The following FRRS1L variants were observed in gnomAD, a reference collection of about 807,000 sequenced individuals.
FRRS1L encodes the protein DOMON domain-containing protein FRRS1L.
A neutral mutation model predicts 28.6 loss-of-function variants in FRRS1L; 22 were observed. That is an observed-to-expected ratio of 0.77 (90% CI 0.55 to 1.10). The LOEUF (loss-of-function observed/expected upper bound fraction) is 1.10, where lower values mean the gene tolerates loss of function less well. Among genes scored for constraint, FRRS1L ranks in the 50% least tolerant of loss-of-function variants. The pLI, the probability that FRRS1L is intolerant of heterozygous loss-of-function variation, is 0.00. For synonymous variants in FRRS1L, 158 were observed against 151.4 expected (o/e 1.04, Z -0.32); for missense variants, 380 against 386.9 (o/e 0.98, Z 0.15).
intron 1 of FRRS1L, among the ~76,000 whole-genome samples, chr9:109,154,377 A>G (rs1831377611): frequency 6.6e-6 from 1 of 152,198 alleles, no homozygotes; most frequent in African/African-American, 2.4e-5. Context: ...AACAGCTAGT[A>G]TGATTTCCAT....
In FRRS1L at chr9:109,167,148, C is replaced by G; in HGVS notation, c.-10G>C. ...GGGGCGGCCGCGCCATCCGTGCGCA[C>G]AGATCCCGCAGCCAGGCCGCTCGGG... On this transcript the variant is annotated 5_prime_UTR_variant, in exon 1 of 5. Coordinates refer to ENST00000561981, the MANE Select transcript of FRRS1L (RefSeq NM_014334.4). The G allele has an allele frequency of 8.7e-7, 1 of 1,144,014 alleles. No individual in the cohort carries two copies. Among genetic ancestry groups the G allele is most frequent in the South Asian group, 4.1e-5 (1 of 24,540 alleles). 70.9% of individuals were successfully genotyped at this position (1,144,014 alleles called of 1,614,324 possible).
At chr9:109,151,588 G>A (rs781226833) in intron 1 of FRRS1L, 1 of 245,146 alleles carries the variant, frequency 4.1e-6, no homozygotes, top group Non-Finnish European at 8.1e-6. Context: ...AACAAGCTCA[G>A]GGCTCCCACT....
At chr9:109,149,798 T>C in intron 1 of FRRS1L, 78 bp from the exon 2 acceptor site, 1 of 981,114 alleles carries the variant, frequency 1.0e-6, no homozygotes. Flanking sequence ...ATGTGTTGAC[T>C]GTTTTTTCTC....
chr9:109,166,936 C>A lies in FRRS1L; in HGVS notation c.203G>T (p.Gly68Val). Residue 68 changes from glycine (G) to valine (V), a missense_variant, in exon 1 of 5, where the codon GGG (glycine) becomes GTG (valine). Gly to Val is a moderately radical substitution (Grantham distance 109, BLOSUM62 -3). Coordinates refer to ENST00000561981, the MANE Select transcript of FRRS1L (RefSeq NM_014334.4). ...RHDSSYGTFA[G>V]EFYDLRYLSE... ...CAGGTAGCGCAGGTCGTAGAACTCC[C>A]CCGCGAAGGTGCCGTAGGAGGAGTC... The A allele has an allele frequency of 7.3e-7, 1 of 1,376,698 alleles. No individual in the cohort carries two copies. Among genetic ancestry groups the A allele is most frequent in the Non-Finnish European group, 9.5e-7 (1 of 1,056,364 alleles). The allele number at this position is 1,376,698 out of a possible 1,614,324, so 85.3% of individuals were successfully genotyped here.
intron 1 of FRRS1L, among the ~76,000 whole-genome samples, chr9:109,159,355 G>C (rs75773502): frequency 4.6e-5 from 7 of 152,220 alleles, no homozygotes; most frequent in Admixed American, 2.0e-4. Context: ...TTCTTTAAGC[G>C]TGTTTTAGGA....
At position 109,133,035 on chromosome 9, in the gene FRRS1L, C is replaced by T. The variant is rs1448935651; in HGVS notation, c.*4420G>A. ...TTAATTCCAGAAATAGTAGTAAATA[C>T]CATCTAGGATGGAAATCCATTCCTG... On this transcript the variant is annotated 3_prime_UTR_variant, in exon 5 of 5. Coordinates refer to ENST00000561981, the MANE Select transcript of FRRS1L (RefSeq NM_014334.4). 6.6e-6 allele frequency: 1 copy of T among 152,096 alleles called. No homozygotes were observed. Among genetic ancestry groups the T allele is most frequent in the Non-Finnish European group, 1.5e-5 (1 of 68,024 alleles). 9.4% of individuals were successfully genotyped at this position (152,096 alleles called of 1,614,324 possible).
intron 2 of FRRS1L, chr9:109,148,111 G>A (rs1188705494): frequency 6.6e-6 from 1 of 152,078 alleles, no homozygotes; most frequent in Admixed American, 6.6e-5. Context: ...TGGGACTACA[G>A]GCATGGGTCA....
intron 1 of FRRS1L, among the ~76,000 whole-genome samples, chr9:109,158,465 C>A (rs10979720): frequency 0.35 from 53,309 of 151,896 alleles, 9,907 homozygotes; most frequent in African/African-American, 0.44. Context: ...CCAAGAAGAA[C>A]CCCTGTACCT....
In FRRS1L at chr9:109,141,346, G is replaced by A. The variant is rs778701306; in HGVS notation, c.706C>T (p.Gln236Ter). ...YYLFAWGPAI[Q>*]GSITRHDIDS... ...AGATGCTGAAATGTAAGCTTACCCT[G>A]AATGGCTGGACCCCAAGCAAACAGA... Residue 236 changes from glutamine (Q) to a stop codon, truncating the protein, a stop_gained, in exon 4 of 5, where the codon CAG (glutamine) becomes TAG (stop). Transcript: ENST00000561981. LOFTEE classifies it high-confidence loss of function. The A allele has an allele frequency of 6.2e-6, 10 of 1,614,054 alleles. No homozygotes were observed. Among genetic ancestry groups the A allele is most frequent in the Non-Finnish European group, 8.5e-6 (10 of 1,179,942 alleles).
chr9:109,141,519 A>C lies in FRRS1L; in HGVS notation c.533T>G (p.Val178Gly). The change falls in exon 4 of 5, where the codon GTA becomes GGA. Residue 178 changes from valine (V) to glycine (G), a missense_variant. Coordinates refer to ENST00000561981, the MANE Select transcript of FRRS1L (RefSeq NM_014334.4). ...GRVRIQHFYN[V>G]GQWAKEIQRN... ...CTGAATCTCCTTTGCCCACTGGCCT[A>C]CATTATAGAAGTGCTGTATGCGGAC... The C allele has an allele frequency of 6.2e-7, 1 of 1,614,132 alleles. No individual in the cohort carries two copies. The highest frequency in any genetic ancestry group is 8.5e-7 in the Non-Finnish European group (1 of 1,180,024).
In FRRS1L at chr9:109,159,436, G is replaced by GTCCACTC. The variant is rs1831453779; in HGVS notation, c.238+7464_238+7465insGAGTGGA. ...CTGTAATCCCAGCACTCTGGCCAAG[G>GTCCACTC]TGGGTGGATCACGAGGTCAGGGGTT... On this transcript the variant is annotated intron_variant, in intron 1 of 4. Coordinates refer to ENST00000561981, the MANE Select transcript of FRRS1L (RefSeq NM_014334.4). Among the ~76,000 whole-genome samples the GTCCACTC allele has an allele frequency of 2.6e-5, 4 of 152,240 alleles. No individual in the cohort carries two copies. In the East Asian group the frequency reaches 7.7e-4, roughly 29 times the overall value.
intron 1 of FRRS1L, among the ~76,000 whole-genome samples, chr9:109,156,223 C>T (rs1831401467): frequency 6.6e-6 from 1 of 152,074 alleles, no homozygotes; most frequent in African/African-American, 2.4e-5. Context: ...TCACTCTTTC[C>T]CTTGATTGGT....
chr9:109,162,966 T>C (rs997097649), intron 1 of FRRS1L, among the ~76,000 whole-genome samples: 1 of 152,320 alleles, frequency 6.6e-6, no homozygotes, highest in Middle Eastern at 3.4e-3. Flanking sequence ...TGATGTTCTG[T>C]CTTTTCCTTC....
chr9:109,153,565 C>T (rs1363682146), intron 1 of FRRS1L, among the ~76,000 whole-genome samples: 1 of 151,984 alleles, frequency 6.6e-6, no homozygotes, highest in Non-Finnish European at 1.5e-5. Context: ...AAAAATAGCA[C>T]TTTTTTTTCC....
intron 1 of FRRS1L, among the ~76,000 whole-genome samples, chr9:109,161,715 C>T (rs1488478573): frequency 1.3e-5 from 2 of 152,088 alleles, no homozygotes; most frequent in Non-Finnish European, 2.9e-5. Flanking sequence ...TGGCTTGGCT[C>T]ACAGCCTTTA....
chr9:109,145,260 T>C (rs1034089941), intron 3 of FRRS1L, among the ~76,000 whole-genome samples: 1 of 152,244 alleles, frequency 6.6e-6, no homozygotes, highest in African/African-American at 2.4e-5. Context: ...CCTGTGCACC[T>C]GAGGCCCCGC....
intron 1 of FRRS1L, chr9:109,151,899 C>G (rs1831334500): frequency 6.6e-6 from 1 of 152,268 alleles, no homozygotes; most frequent in Non-Finnish European, 1.5e-5. Flanking sequence ...TTACTTCTCA[C>G]TACAGTCCTG....
chr9:109,155,271 T>G (rs1466219250), intron 1 of FRRS1L, among the ~76,000 whole-genome samples: 1 of 152,246 alleles, frequency 6.6e-6, no homozygotes, highest in Non-Finnish European at 1.5e-5. Flanking sequence ...TAAATGACAC[T>G]GTGCAGTACA....
intron 2 of FRRS1L, chr9:109,148,321 C>G (rs1287509585): frequency 6.6e-6 from 1 of 152,108 alleles, no homozygotes; most frequent in Non-Finnish European, 1.5e-5. Context: ...AATATAATTA[C>G]AAATTCAGAC....
Sources: allele counts gnomAD v4.1 joint callset (sites outside exome capture counted in the v4.1 genomes callset), GRCh38; gene constraint gnomAD v4.1.1; transcripts MANE v1.5; gene names NCBI Gene and HGNC (gene_info 2026-07-23, HGNC 2026-07-21).